The following BRINP3 variants were observed in gnomAD, a reference collection of about 807,000 sequenced individuals.
BRINP3 encodes BMP/retinoic acid-inducible neural-specific protein 3.
In BRINP3, 19 loss-of-function variants were observed where a neutral mutation model predicts 71.0. The observed-to-expected ratio is 0.27, with a 90% CI of 0.19 to 0.39. The LOEUF (loss-of-function observed/expected upper bound fraction) is 0.39, where lower values mean the gene tolerates loss of function less well. BRINP3 is among the 10% of genes least tolerant of loss of function. BRINP3 has a pLI of 1.00. For synonymous variants in BRINP3, 380 were observed against 337.7 expected, an observed-to-expected ratio of 1.13 and a Z score of -1.37; for missense variants, 959 against 940.8, an observed-to-expected ratio of 1.02 and a Z score of -0.25.
chr1:190,366,654 T>C (rs1669524114), intron 2 of BRINP3, among the ~76,000 whole-genome samples: 1 of 152,138 alleles, frequency 6.6e-6, no homozygotes, highest in African/African-American at 2.4e-5. Context: ...TTTCCACCTA[T>C]GAGACTATAA....
At chr1:190,379,953 G>A (rs1316740581) in intron 2 of BRINP3, among the ~76,000 whole-genome samples, 2 of 138,514 alleles carry the variant, frequency 1.4e-5, no homozygotes, top group African/African-American at 2.7e-5. Flanking sequence ...AGCTGAGATC[G>A]TGCCATTGCA....
rs552256482 is a variant in BRINP3, at chr1:190,404,697, A to G, written c.236+49958T>C. Among the ~76,000 whole-genome samples the G allele has an allele frequency of 1.0e-3, 153 of 152,296 alleles. 3 individuals are homozygous for G. The highest frequency in any genetic ancestry group is 3.5e-3 in the African/African-American group (147 of 41,570). Reference sequence around the variant, plus strand: ...GTGAGTTTGCCAGAGAATATAAATTATTAACAAATTTCACAGGTGATCAAG... The same window carrying G: ...GTGAGTTTGCCAGAGAATATAAATTGTTAACAAATTTCACAGGTGATCAAG... On this transcript the variant is annotated intron_variant, in intron 2 of 7. Transcript: ENST00000367462.
intron 4 of BRINP3, among the ~76,000 whole-genome samples, chr1:190,250,630 G>C (rs1331714481): frequency 6.6e-6 from 1 of 151,944 alleles, no homozygotes; most frequent in Non-Finnish European, 1.5e-5. Context: ...TATGTAATAG[G>C]AAATAAGAGA....
chr1:190,290,093 C>T (rs557357839), intron 2 of BRINP3, among the ~76,000 whole-genome samples: 1 of 151,982 alleles, frequency 6.6e-6, no homozygotes, highest in African/African-American at 2.4e-5. Flanking sequence ...AGTATACACC[C>T]TGACTAAAGT....
intron 6 of BRINP3, among the ~76,000 whole-genome samples, chr1:190,187,875 T>C (rs1023944735): frequency 5.5e-4 from 82 of 150,110 alleles, no homozygotes; most frequent in African/African-American, 1.9e-3. Context: ...GCTTTTGCAG[T>C]ATCGTTCAAA....
intron 7 of BRINP3, among the ~76,000 whole-genome samples, chr1:190,113,864 A>G (rs1489560779): frequency 6.6e-6 from 1 of 152,186 alleles, no homozygotes; most frequent in Non-Finnish European, 1.5e-5. Flanking sequence ...CTTTTGGAAT[A>G]CGTTTTTTTC....
intron 2 of BRINP3, among the ~76,000 whole-genome samples, chr1:190,286,112 A>T (rs770616910): frequency 1.3e-5 from 2 of 152,130 alleles, no homozygotes; most frequent in Non-Finnish European, 2.9e-5. Flanking sequence ...TTTAACCAGA[A>T]CATTACTTTG....
intron 6 of BRINP3, among the ~76,000 whole-genome samples, chr1:190,185,937 A>G (rs938540817): frequency 2.6e-5 from 4 of 152,174 alleles, no homozygotes; most frequent in African/African-American, 9.6e-5. Flanking sequence ...CCCAACAAAA[A>G]GGAAAGAGGT....
intron 5 of BRINP3, among the ~76,000 whole-genome samples, chr1:190,228,708 A>G (rs1473559220): frequency 1.3e-5 from 2 of 151,970 alleles, no homozygotes; most frequent in Non-Finnish European, 1.5e-5. Context: ...GACCACCGAT[A>G]AGAACTAGTT....
intron 2 of BRINP3, among the ~76,000 whole-genome samples, chr1:190,297,611 C>T (rs1664347904): frequency 6.6e-6 from 1 of 151,928 alleles, no homozygotes; most frequent in Non-Finnish European, 1.5e-5. Context: ...TCACCAAATG[C>T]CTTTTTTCTG....
chr1:190,100,308 C>T lies in BRINP3; in HGVS notation c.1185-1174G>A, dbSNP rs562999814. On this transcript the variant is annotated intron_variant, in intron 7 of 7. Coordinates refer to ENST00000367462, the MANE Select transcript of BRINP3 (RefSeq NM_199051.3). ...ATGCTGTACTCAATCCTTTAAATAT[C>T]TACTTACTGTTTTTCATAGTGCATT... Among the ~76,000 whole-genome samples, 10 of 152,246 alleles carry T rather than the reference C, an allele frequency of 6.6e-5. No homozygotes were observed. In the East Asian group the frequency reaches 1.9e-3, roughly 29 times the overall value.
chr1:190,383,884 T>A (rs1330232938), intron 2 of BRINP3, among the ~76,000 whole-genome samples: 1 of 152,040 alleles, frequency 6.6e-6, no homozygotes, highest in Non-Finnish European at 1.5e-5. Context: ...AAGTGCTTAT[T>A]AAGTGTTGCT....
chr1:190,432,857 T>C (rs982786726), intron 2 of BRINP3, among the ~76,000 whole-genome samples: 1 of 152,208 alleles, frequency 6.6e-6, no homozygotes, highest in Non-Finnish European at 1.5e-5. Flanking sequence ...TCATATATGT[T>C]ATTTGGGACT....
chr1:190,322,740 A>C (rs1030112761), intron 2 of BRINP3, among the ~76,000 whole-genome samples: 2 of 152,088 alleles, frequency 1.3e-5, no homozygotes, highest in Non-Finnish European at 2.9e-5. Context: ...CATCCAACCA[A>C]ATAGATATGC....
At chr1:190,385,817 A>G (rs1670853140) in intron 2 of BRINP3, among the ~76,000 whole-genome samples, 2 of 151,318 alleles carry the variant, frequency 1.3e-5, no homozygotes, top group African/African-American at 4.9e-5. Context: ...AATAGCAAAG[A>G]CTTGGAACCA....
At chr1:190,296,140 C>A (rs541994124) in intron 2 of BRINP3, among the ~76,000 whole-genome samples, 88 of 149,684 alleles carry the variant, frequency 5.9e-4, no homozygotes, top group Non-Finnish European at 1.0e-3. Flanking sequence ...TTTTAAGGAT[C>A]TTTTCCCCTA....
At chr1:190,364,520 T>G (rs1669360457) in intron 2 of BRINP3, among the ~76,000 whole-genome samples, 1 of 151,926 alleles carries the variant, frequency 6.6e-6, no homozygotes, top group Non-Finnish European at 1.5e-5. Context: ...CAGAAGAACA[T>G]CAAACAGTCT....
intron 2 of BRINP3, among the ~76,000 whole-genome samples, chr1:190,356,620 C>T (rs1668749447): frequency 6.6e-6 from 1 of 151,966 alleles, no homozygotes. Context: ...TTCAGACCTC[C>T]TGCCTCTCTT....
At position 190,163,806 on chromosome 1, in the gene BRINP3, C is replaced by T. The variant is rs547547108; in HGVS notation, c.962-2916G>A. Among the ~76,000 whole-genome samples, 3 of 151,948 alleles carry T rather than the reference C, an allele frequency of 2.0e-5. No individual in the cohort carries two copies. In the South Asian group the frequency reaches 6.2e-4, roughly 32 times the overall value. ...GTTTGTTGTGCCTTTATCCTTTTTC[C>T]GTCAATAGAAAATCTAGTTAACACT... is the stretch of plus-strand genomic sequence containing the variant. On this transcript the variant is annotated intron_variant, in intron 6 of 7. Transcript: ENST00000367462.
Sources: allele counts gnomAD v4.1 joint callset (sites outside exome capture counted in the v4.1 genomes callset), GRCh38; gene constraint gnomAD v4.1.1; transcripts MANE v1.5; gene names NCBI Gene and HGNC (gene_info 2026-07-23, HGNC 2026-07-21).